The following MERTK variants were observed in gnomAD, a reference collection of about 807,000 sequenced individuals.
MERTK encodes tyrosine-protein kinase Mer.
In MERTK, 69 loss-of-function variants were observed where a neutral mutation model predicts 99.3. The ratio of observed to expected loss-of-function variants is 0.70; its 90% confidence interval spans 0.57 to 0.85. The LOEUF (loss-of-function observed/expected upper bound fraction) is 0.85. Ranked by LOEUF, MERTK falls within the 40% of genes least tolerant of loss-of-function variation. MERTK has a pLI of 0.00. For missense variants in MERTK, 1,125 were observed against 1,249.4 expected, an observed-to-expected ratio of 0.90 and a Z score of 1.50; for synonymous variants, 426 against 467.6, an observed-to-expected ratio of 0.91 and a Z score of 1.15.
At chr2:111,900,794 T>C (rs796422563) in intron 1 of MERTK, among the ~76,000 whole-genome samples, 7 of 152,314 alleles carry the variant, frequency 4.6e-5, no homozygotes, top group African/African-American at 1.7e-4. Context: ...GGATTCTCAC[T>C]GGCAGAATTA....
At chr2:112,021,201 A>G (rs1441217651) in intron 16 of MERTK, among the ~76,000 whole-genome samples, 1 of 151,924 alleles carries the variant, frequency 6.6e-6, no homozygotes, top group East Asian at 1.9e-4. Flanking sequence ...CTCTATCTCA[A>G]AAGTCTCAAA....
At chr2:111,921,728 T>C (rs28637361) in intron 1 of MERTK, among the ~76,000 whole-genome samples, 2 of 151,820 alleles carry the variant, frequency 1.3e-5, no homozygotes, top group Non-Finnish European at 2.9e-5. Context: ...GCCCTCACTC[T>C]TTTGCAGCCT....
At chr2:111,909,687 A>G (rs749127989) in intron 1 of MERTK, among the ~76,000 whole-genome samples, 4 of 152,210 alleles carry the variant, frequency 2.6e-5, no homozygotes, top group Admixed American at 2.0e-4. Flanking sequence ...CTTAGAAGGT[A>G]TATAATCCCT....
chr2:112,007,216 AC>A (rs1644392798), intron 13 of MERTK, among the ~76,000 whole-genome samples: 1 of 152,110 alleles, frequency 6.6e-6, no homozygotes, highest in South Asian at 2.1e-4. Flanking sequence ...GTGCGGTAGC[AC>A]GATCTCAGCT....
Position 111,978,449 on chromosome 2 carries a change from T to G in MERTK, c.1144+2977T>G, listed in dbSNP as rs13034266. ...CATGAGCCACCACACCCAGCATGTTTTTTGTTTGTTTGTTTGTTTGTTTGT... is the reference window on the plus strand; with the variant it reads ...CATGAGCCACCACACCCAGCATGTTGTTTGTTTGTTTGTTTGTTTGTTTGT... On this transcript the variant is annotated intron_variant, in intron 7 of 18. Transcript: ENST00000295408. 8.1e-4 allele frequency among the ~76,000 whole-genome samples: 76 copies of G among 94,354 alleles called. 1 individual carries two copies. Among genetic ancestry groups the G allele is most frequent in the Middle Eastern group, 0.014 (2 of 148 alleles). The allele number at this position is 94,354 out of a possible 152,430, so 61.9% of individuals were successfully genotyped here. A position where few individuals can be genotyped will look rare whatever the true frequency, so the allele number is the denominator to read the frequency against.
intron 4 of MERTK, among the ~76,000 whole-genome samples, chr2:111,951,202 C>G (rs1430884795): frequency 6.6e-6 from 1 of 151,312 alleles, no homozygotes; most frequent in Non-Finnish European, 1.5e-5. Flanking sequence ...TAAGATCTAC[C>G]CTCTTAGCAA....
intron 8 of MERTK, among the ~76,000 whole-genome samples, chr2:111,987,600 G>A (rs1676510334): frequency 1.3e-5 from 2 of 152,140 alleles, no homozygotes; most frequent in Non-Finnish European, 2.9e-5. Flanking sequence ...CTCCATGAAT[G>A]GGACAGTCTT....
chr2:112,003,902 A>G lies in MERTK; in HGVS notation c.1787-2A>G, dbSNP rs978833430. 1.2e-6 allele frequency: 2 copies of G among 1,612,140 alleles called. No homozygotes were observed. The highest frequency in any genetic ancestry group is 1.7e-6 in the Non-Finnish European group (2 of 1,178,254). ...CCATACAGGTGTTCTTTCACTTCAC[A>G]GGAGAGTTTGGGTCTGTAATGGAAG... is the stretch of plus-strand genomic sequence containing the variant. On this transcript the variant is annotated splice_acceptor_variant, in intron 12 of 18. Coordinates refer to ENST00000295408, the MANE Select transcript of MERTK (RefSeq NM_006343.3). LOFTEE classifies it high-confidence loss of function.
At chr2:111,927,373 A>G (rs1684586907) in intron 1 of MERTK, among the ~76,000 whole-genome samples, 1 of 152,142 alleles carries the variant, frequency 6.6e-6, no homozygotes. Flanking sequence ...CTAGAGGAAA[A>G]ATTCCCAGAT....
intron 1 of MERTK, among the ~76,000 whole-genome samples, chr2:111,901,073 GCA>G (rs1684033832): frequency 6.6e-6 from 1 of 152,176 alleles, no homozygotes; most frequent in Non-Finnish European, 1.5e-5. Flanking sequence ...ACAAAGACAT[GCA>G]CACACAGAAC....
chr2:111,914,106 T>TTCTTTC, intron 1 of MERTK, among the ~76,000 whole-genome samples: 1 of 134,036 alleles, frequency 7.5e-6, no homozygotes, highest in South Asian at 2.6e-4. Context: ...TCTTTCTTTT[T>TTCTTTC]TTTTTTTTTT....
chr2:111,911,942 G>C (rs1192901702), intron 1 of MERTK, among the ~76,000 whole-genome samples: 1 of 151,838 alleles, frequency 6.6e-6, no homozygotes, highest in Admixed American at 6.6e-5. Context: ...TCCTGCCTCG[G>C]CCTGCCAAAG....
At chr2:111,899,441 C>T (rs1276138249) in intron 1 of MERTK, among the ~76,000 whole-genome samples, 4 of 152,140 alleles carry the variant, frequency 2.6e-5, no homozygotes, top group African/African-American at 9.7e-5. Flanking sequence ...TCTTTTCACT[C>T]CTGTTATGGC....
chr2:111,947,960 G>A (rs1684991578), intron 4 of MERTK, among the ~76,000 whole-genome samples: 1 of 152,086 alleles, frequency 6.6e-6, no homozygotes, highest in South Asian at 2.1e-4. Flanking sequence ...ATTCATCATG[G>A]GGAGCTATTG....
intron 1 of MERTK, among the ~76,000 whole-genome samples, chr2:111,916,991 GAT>G (rs1457029717): frequency 6.6e-6 from 1 of 152,120 alleles, no homozygotes; most frequent in Non-Finnish European, 1.5e-5. Context: ...GGCTTCCACT[GAT>G]ACCTCTCTGG....
Position 111,982,832 on chromosome 2 carries a change from T to C in MERTK, c.1145-10T>C, listed in dbSNP as rs1558796315. 1 of 1,613,904 alleles carries C rather than the reference T, an allele frequency of 6.2e-7. No individual in the cohort carries two copies. The highest frequency in any genetic ancestry group is 1.1e-5 in the South Asian group (1 of 91,070). On this transcript the variant is annotated splice_polypyrimidine_tract_variant and intron_variant, in intron 7 of 18. Transcript: ENST00000295408. ...GGTTCTTCATTCTTCTCTCCTTTTT[T>C]CTTTTGTAGCCCCATCAGTAGCACC...
At chr2:112,001,432 G>A (rs1676867487) in intron 11 of MERTK, 146 bp downstream of exon 11, 2 of 730,724 alleles carry the variant, frequency 2.7e-6, no homozygotes, top group African/African-American at 1.7e-5. Context: ...AAAGCAGCAA[G>A]TAGATAGCCA....
In MERTK at chr2:111,987,989, C is replaced by CT. The variant is rs3077010; in HGVS notation, c.1296+5014dup. ...GAGACAGCATGATATATAGAACTAA[C>CT]TTTTTTTTTTTTTTTTTTGAGACAG... On this transcript the variant is annotated intron_variant, in intron 8 of 18. Transcript: ENST00000295408. Among the ~76,000 whole-genome samples the CT allele has an allele frequency of 1.8e-3, 241 of 133,254 alleles. 1 individual carries two copies. Among genetic ancestry groups the CT allele is most frequent in the East Asian group, 6.5e-3 (31 of 4,742 alleles). The allele number at this position is 133,254 out of a possible 152,430, so 87.4% of individuals were successfully genotyped here.
chr2:111,957,416 A>G (rs1423933677), intron 4 of MERTK, among the ~76,000 whole-genome samples: 1 of 149,386 alleles, frequency 6.7e-6, no homozygotes, highest in African/African-American at 2.5e-5. Context: ...CCATTTCCTC[A>G]CTCCTACTCT....
Sources: gnomAD v4.1 joint callset for allele counts (sites outside exome capture counted in the v4.1 genomes callset) on GRCh38, gnomAD v4.1.1 for gene constraint, MANE v1.5 for transcripts, NCBI Gene and HGNC (gene_info 2026-07-23, HGNC 2026-07-21) for gene names.